The following L3MBTL4 variants were observed in gnomAD, a reference collection of about 807,000 sequenced individuals.
The protein encoded by L3MBTL4 is lethal(3)malignant brain tumor-like protein 4.
L3MBTL4 carries 70 observed loss-of-function variants against 84.5 expected under a neutral mutation model. That is an observed-to-expected ratio of 0.83 (90% CI 0.68 to 1.01). The LOEUF (loss-of-function observed/expected upper bound fraction) is 1.01, where lower values mean the gene tolerates loss of function less well. L3MBTL4 is among the 50% of genes least tolerant of loss of function. L3MBTL4 has a pLI of 0.00. For missense variants in L3MBTL4, 715 were observed against 754.8 expected (o/e 0.95, Z 0.62); for synonymous variants, 274 against 259.8 (o/e 1.05, Z -0.52).
Position 6,151,711 on chromosome 18 carries a change from A to C in L3MBTL4, c.1097-13415T>G, listed in dbSNP as rs113022092. Among the ~76,000 whole-genome samples the C allele has an allele frequency of 1.2e-3, 189 of 152,302 alleles. No individual in the cohort carries two copies. In the South Asian group the frequency reaches 0.013, roughly 10 times the overall value. On this transcript the variant is annotated intron_variant, in intron 13 of 18. Coordinates refer to ENST00000317931, the MANE Select transcript of L3MBTL4 (RefSeq NM_001330559.2). ...TGCCCAGACTAATTTTAAAATATGTAATTGACAAAGATAATATATATTCAA... is the reference window on the plus strand; with the variant it reads ...TGCCCAGACTAATTTTAAAATATGTCATTGACAAAGATAATATATATTCAA...
chr18:6,071,571 G>T (rs752060508), intron 16 of L3MBTL4, among the ~76,000 whole-genome samples: 11 of 150,984 alleles, frequency 7.3e-5, no homozygotes, highest in Non-Finnish European at 1.5e-4. Flanking sequence ...GGGAGGCCAA[G>T]GTTGCAGTAA....
intron 16 of L3MBTL4, among the ~76,000 whole-genome samples, chr18:5,974,132 T>C (rs1335605082): frequency 6.6e-6 from 1 of 152,164 alleles, no homozygotes; most frequent in Non-Finnish European, 1.5e-5. Context: ...GTTGAAAGAA[T>C]TGTTTTGCTA....
At chr18:6,372,136 T>C (rs72864883) in intron 1 of L3MBTL4, among the ~76,000 whole-genome samples, 1,884 of 152,306 alleles carry the variant, frequency 0.012, 22 homozygotes, top group Middle Eastern at 0.082. Context: ...TCTTTCCTCC[T>C]TTCTCCACCT....
chr18:6,085,995 T>C (rs566284473), intron 15 of L3MBTL4, among the ~76,000 whole-genome samples: 1 of 152,312 alleles, frequency 6.6e-6, no homozygotes, highest in South Asian at 2.1e-4. Context: ...TTTCCAAACA[T>C]CTATATGTTA....
At chr18:6,096,281 G>T (rs113110552) in intron 14 of L3MBTL4, among the ~76,000 whole-genome samples, 1 of 152,058 alleles carries the variant, frequency 6.6e-6, no homozygotes, top group African/African-American at 2.4e-5. Flanking sequence ...CAGTCTCTCT[G>T]GTCATTCAAT....
intron 1 of L3MBTL4, among the ~76,000 whole-genome samples, chr18:6,343,879 T>C (rs1278371810): frequency 6.6e-6 from 1 of 150,780 alleles, no homozygotes; most frequent in African/African-American, 2.4e-5. Context: ...TACAACATAT[T>C]AAAACTTATG....
At chr18:6,173,787 T>C (rs556372160) in intron 12 of L3MBTL4, among the ~76,000 whole-genome samples, 13 of 151,830 alleles carry the variant, frequency 8.6e-5, no homozygotes, top group African/African-American at 2.2e-4. Flanking sequence ...CTCAATAAAG[T>C]GGGGGACCAA....
At chr18:6,261,117 C>T (rs567053580) in intron 5 of L3MBTL4, among the ~76,000 whole-genome samples, 109 of 152,190 alleles carry the variant, frequency 7.2e-4, no homozygotes, top group Non-Finnish European at 1.3e-3. Context: ...AAATTCATTA[C>T]TTGTGGGCAA....
At chr18:6,371,724 C>T (rs1045132262) in intron 1 of L3MBTL4, among the ~76,000 whole-genome samples, 1 of 152,322 alleles carries the variant, frequency 6.6e-6, no homozygotes, top group South Asian at 2.1e-4. Context: ...TGTCACTGAA[C>T]TGTGGTTAAG....
intron 5 of L3MBTL4, among the ~76,000 whole-genome samples, chr18:6,256,129 CACAGA>C (rs1451081866): frequency 6.6e-6 from 1 of 152,148 alleles, no homozygotes; most frequent in African/African-American, 2.4e-5. Flanking sequence ...TAGGAATTTC[CACAGA>C]ACAATCTTCC....
At chr18:6,384,717 G>C (rs1026091616) in intron 1 of L3MBTL4, among the ~76,000 whole-genome samples, 4 of 152,202 alleles carry the variant, frequency 2.6e-5, no homozygotes, top group Non-Finnish European at 4.4e-5. Context: ...TGGCAGAAGT[G>C]ACTTCCAAGC....
chr18:6,101,484 C>T (rs1322504320), intron 14 of L3MBTL4, among the ~76,000 whole-genome samples: 2 of 152,174 alleles, frequency 1.3e-5, no homozygotes, highest in Non-Finnish European at 2.9e-5. Flanking sequence ...CACCCTCTCC[C>T]TACTTCTCTT....
chr18:6,122,382 A>G (rs2059560556), intron 14 of L3MBTL4, among the ~76,000 whole-genome samples: 1 of 152,190 alleles, frequency 6.6e-6, no homozygotes. Context: ...TCTCATCTTG[A>G]ATTCCCACAT....
chr18:6,212,681 C>A (rs983296020), intron 12 of L3MBTL4, among the ~76,000 whole-genome samples: 1 of 151,882 alleles, frequency 6.6e-6, no homozygotes, highest in African/African-American at 2.4e-5. Flanking sequence ...TGATTTCAAG[C>A]GAAATAGAAT....
chr18:6,388,578 G>A (rs1322257820), intron 1 of L3MBTL4, among the ~76,000 whole-genome samples: 3 of 152,178 alleles, frequency 2.0e-5, no homozygotes, highest in South Asian at 2.1e-4. Flanking sequence ...AGGAAGGAAA[G>A]GATGAGAGAG....
At chr18:6,394,205 C>T (rs913323547) in intron 1 of L3MBTL4, among the ~76,000 whole-genome samples, 7 of 152,166 alleles carry the variant, frequency 4.6e-5, no homozygotes, top group African/African-American at 1.4e-4. Flanking sequence ...TGGTGGCTCA[C>T]GGCTGTAATC....
intron 14 of L3MBTL4, among the ~76,000 whole-genome samples, chr18:6,116,189 C>A (rs1273940898): frequency 6.6e-6 from 1 of 152,056 alleles, no homozygotes; most frequent in African/African-American, 2.4e-5. Flanking sequence ...AAAAGGACCA[C>A]AGGGTTCAGC....
chr18:6,266,737 A>G (rs1282380030), intron 4 of L3MBTL4, among the ~76,000 whole-genome samples: 1 of 152,150 alleles, frequency 6.6e-6, no homozygotes, highest in Non-Finnish European at 1.5e-5. Flanking sequence ...CAGCCTGGTC[A>G]ACATGGTGAA....
Position 6,241,355 on chromosome 18 carries a change from T to C in L3MBTL4, c.552+3A>G, listed in dbSNP as rs753358059. 5 of 1,534,104 alleles carry C rather than the reference T, an allele frequency of 3.3e-6. No homozygotes were observed. Among genetic ancestry groups the C allele is most frequent in the Non-Finnish European group, 4.5e-6 (5 of 1,113,648 alleles). ...GATTTATGCTGGGAAAGAAAATACTTACAGGACTTCTGTTTCTGAATAATT... is the reference window on the plus strand; with the variant it reads ...GATTTATGCTGGGAAAGAAAATACTCACAGGACTTCTGTTTCTGAATAATT... On this transcript the variant is annotated splice_donor_region_variant and intron_variant, in intron 8 of 18. Coordinates refer to ENST00000317931, the MANE Select transcript of L3MBTL4 (RefSeq NM_001330559.2).
Sources: allele counts gnomAD v4.1 joint callset (sites outside exome capture counted in the v4.1 genomes callset), GRCh38; gene constraint gnomAD v4.1.1; transcripts MANE v1.5; gene names NCBI Gene and HGNC (gene_info 2026-07-23, HGNC 2026-07-21).